SLC9A6: variants seen among roughly 807,000 people sequenced by gnomAD.
The protein encoded by SLC9A6 is solute carrier family 9 member A6, also known as sodium/hydrogen exchanger 6.
A neutral mutation model predicts 45.3 loss-of-function variants in SLC9A6; 6 were observed. That is an observed-to-expected ratio of 0.13 (90% confidence interval 0.07 to 0.26). SLC9A6 has a LOEUF of 0.26. Among genes scored for constraint, SLC9A6 ranks in the 10% least tolerant of loss-of-function variants. The probability of loss-of-function intolerance (pLI) is 1.00; values close to 1 mark genes in which losing one functional copy is unlikely to be tolerated. For synonymous variants in SLC9A6, 191 were observed against 187.7 expected (o/e 1.02, Z -0.14); for missense variants, 278 against 503.7 (o/e 0.55, Z 4.29).
chrX:136,002,692 G>C (rs2089600055), intron 7 of SLC9A6, among the ~76,000 whole-genome samples: 1 of 109,172 alleles, frequency 9.2e-6, no homozygotes, highest in Admixed American at 9.8e-5. Context: ...CTCCCGAGTA[G>C]CTGGGATTAT....
intron 1 of SLC9A6, among the ~76,000 whole-genome samples, chrX:135,978,727 G>C (rs996572210): frequency 9.0e-6 from 1 of 111,309 alleles, no homozygotes; most frequent in South Asian, 3.7e-4. Flanking sequence ...CATTGGGTTG[G>C]TCTGTTCAGA....
chrX:135,975,981 C>CAAAA lies in SLC9A6; in HGVS notation c.-57+1215_-57+1218dup, dbSNP rs782541566. Among the ~76,000 whole-genome samples, 283 of 61,474 alleles carry CAAAA rather than the reference C, an allele frequency of 4.6e-3. 1 individual carries two copies. The highest frequency in any genetic ancestry group is 5.8e-3 in the Non-Finnish European group (202 of 34,970). 53.4% of individuals were successfully genotyped at this position (61,474 alleles called of 115,157 possible). A position where few individuals can be genotyped will look rare whatever the true frequency, so the allele number is the denominator to read the frequency against. ...GACAGAGCGAGACCCTTTCTCTAAC[C>CAAAA]AAAAAAAAAAAAAAAAAAAAGTAGA... is the stretch of plus-strand genomic sequence containing the variant. On this transcript the variant is annotated intron_variant, in intron 1 of 16. Transcript: ENST00000636092.
chrX:136,022,844 C>G (rs2071152261), intron 12 of SLC9A6, 147 bp downstream of exon 12: 1 of 331,869 alleles, frequency 3.0e-6, no homozygotes, highest in Non-Finnish European at 5.6e-6. Context: ...CTGTTTCACT[C>G]TGTCGCCCAG....
chrX:135,980,166 T>A (rs782261876), upstream of SLC9A6, among the ~76,000 whole-genome samples: 10 of 110,402 alleles, frequency 9.1e-5, no homozygotes, highest in Non-Finnish European at 1.7e-4. Context: ...CATAGAGGAC[T>A]TCCACAATAT....
chrX:135,998,013 A>C (rs781805882), intron 3 of SLC9A6, 95 bp from the exon 4 acceptor site: 1 of 529,409 alleles, frequency 1.9e-6, no homozygotes, highest in African/African-American at 2.3e-5. Flanking sequence ...GCCTTTGACT[A>C]GTTTAACATA....
chrX:135,993,681 C>T (rs782146519), intron 2 of SLC9A6, among the ~76,000 whole-genome samples: 1 of 110,660 alleles, frequency 9.0e-6, no homozygotes, highest in East Asian at 2.9e-4. Flanking sequence ...ATCCCAGCTA[C>T]TTGGGAGGCT....
At chrX:135,996,454 C>G (rs954457348) in intron 3 of SLC9A6, among the ~76,000 whole-genome samples, 1 of 111,478 alleles carries the variant, frequency 9.0e-6, no homozygotes, top group Non-Finnish European at 1.9e-5. Flanking sequence ...TTCTAGTTAA[C>G]GAAGTTTTAG....
chrX:135,984,993 TTG>T (rs1556614574), upstream of SLC9A6: 1 of 109,076 alleles, frequency 9.2e-6, no homozygotes, highest in African/African-American at 3.5e-5. Context: ...TGGTGTTTTT[TTG>T]TGTTTTTTTT....
At chrX:135,997,398 CTTTTTTTTTTTTTTTTTTT>C (rs1180028983) in intron 3 of SLC9A6, among the ~76,000 whole-genome samples, 1 of 63,304 alleles carries the variant, frequency 1.6e-5, no homozygotes, top group Non-Finnish European at 2.9e-5. Flanking sequence ...CATGCTTTCT[CTTTTTTTTTTTTTTTTTTT>C]TTTTTTTTGA....
intron 16 of SLC9A6, among the ~76,000 whole-genome samples, chrX:136,036,335 T>C (rs945825469): frequency 9.0e-6 from 1 of 111,599 alleles, no homozygotes; most frequent in Admixed American, 9.5e-5. Flanking sequence ...AGTCTAAGTC[T>C]TTCGTCCATT....
Position 135,979,776 on chromosome X carries a change from C to A in SLC9A6, c.-57+4993C>A, listed in dbSNP as rs149632592. 5.3e-5 allele frequency among the ~76,000 whole-genome samples: 6 copies of A among 112,196 alleles called. No individual in the cohort carries two copies. The East Asian group carries it at 1.7e-3, about 31-fold the overall frequency. On this transcript the variant is annotated intron_variant, in intron 1 of 16. Transcript: ENST00000636092. Reference sequence around the variant, plus strand: ...GTACTTACCTTTCCACATTTCTTTTCTTTTCTTGAAATGGAGTCTTGCTCT... The same window carrying A: ...GTACTTACCTTTCCACATTTCTTTTATTTTCTTGAAATGGAGTCTTGCTCT...
rs782647169 is a variant in SLC9A6, at chrX:136,025,805, C to A, written c.1460+1322C>A. On this transcript the variant is annotated intron_variant, in intron 13 of 17. Coordinates refer to ENST00000630721, the MANE Select transcript of SLC9A6 (RefSeq NM_001379110.1). ...AATGGCAGGCAGAGGAGCCTCCAGTCTTTCTTAATTTTTTTAGAAATTAAT... is the reference window on the plus strand; with the variant it reads ...AATGGCAGGCAGAGGAGCCTCCAGTATTTCTTAATTTTTTTAGAAATTAAT... 6.3e-5 allele frequency among the ~76,000 whole-genome samples: 7 copies of A among 111,734 alleles called. No homozygotes were observed. The South Asian group carries it at 2.6e-3, about 42-fold the overall frequency.
intron 7 of SLC9A6, among the ~76,000 whole-genome samples, chrX:136,006,992 G>A (rs1556618094): frequency 3.6e-5 from 4 of 110,246 alleles, no homozygotes. Context: ...TTAGCCTCCC[G>A]AGTAGCTGGG....
chrX:136,014,335 C>T (rs2070977759), intron 10 of SLC9A6, among the ~76,000 whole-genome samples: 1 of 111,676 alleles, frequency 9.0e-6, no homozygotes, highest in African/African-American at 3.3e-5. Context: ...GGCTTTTTCC[C>T]CCAAGTGTAT....
chrX:135,980,203 C>T (rs1451053606), upstream of SLC9A6, among the ~76,000 whole-genome samples: 1 of 82,196 alleles, frequency 1.2e-5, no homozygotes, highest in Non-Finnish European at 2.3e-5. Context: ...TTCAGCCTGT[C>T]CCCCAATACA....
chrX:135,996,161 A>G (rs1458656187), intron 3 of SLC9A6, among the ~76,000 whole-genome samples: 1 of 104,563 alleles, frequency 9.6e-6, no homozygotes, highest in Non-Finnish European at 1.9e-5. Context: ...CCTCCTTAGT[A>G]GCTCAGACTA....
intron 16 of SLC9A6, among the ~76,000 whole-genome samples, chrX:136,039,286 C>T (rs1272111381): frequency 1.9e-5 from 2 of 104,317 alleles, no homozygotes; most frequent in Admixed American, 1.0e-4. Context: ...GGTGACAGAG[C>T]GACACTGTCT....
chrX:136,002,378 A>G (rs1438331838), intron 7 of SLC9A6, among the ~76,000 whole-genome samples, 165 bp downstream of exon 7: 3 of 111,688 alleles, frequency 2.7e-5, no homozygotes, highest in Non-Finnish European at 5.6e-5. Flanking sequence ...ATTGGAAAAT[A>G]CAGGGAAGAG....
chrX:135,988,501 T>TTTCTTTCTTTCTTTCTTTC (rs1556615239), intron 2 of SLC9A6, among the ~76,000 whole-genome samples: 1 of 104,721 alleles, frequency 9.5e-6, no homozygotes, highest in African/African-American at 3.5e-5. Flanking sequence ...TTCTTTCTTT[T>TTTCTTTCTTTCTTTCTTTC]CTTTCTTTCT....
Sources: allele counts gnomAD v4.1 joint callset (sites outside exome capture counted in the v4.1 genomes callset), GRCh38; gene constraint gnomAD v4.1.1; transcripts MANE v1.5; gene names NCBI Gene and HGNC (gene_info 2026-07-23, HGNC 2026-07-21).